The following SCUBE2 variants were observed in gnomAD, a reference collection of about 807,000 sequenced individuals.
SCUBE2 encodes signal peptide, CUB and EGF-like domain-containing protein 2.
In SCUBE2, 114 loss-of-function variants were observed where a neutral mutation model predicts 125.9. That is an observed-to-expected ratio of 0.91 (90% CI 0.78 to 1.06). The LOEUF (loss-of-function observed/expected upper bound fraction) is 1.06, where lower values mean the gene tolerates loss of function less well. Among genes scored for constraint, SCUBE2 ranks in the 50% least tolerant of loss-of-function variants. The pLI, the probability that SCUBE2 is intolerant of heterozygous loss-of-function variation, is 0.00. For synonymous variants in SCUBE2, 459 were observed against 492.9 expected (o/e 0.93, Z 0.91); for missense variants, 1,255 against 1,301.8 (o/e 0.96, Z 0.55).
intron 4 of SCUBE2, among the ~76,000 whole-genome samples, chr11:9,072,970 G>A (rs1168316197): frequency 6.6e-6 from 1 of 152,186 alleles, no homozygotes; most frequent in Middle Eastern, 3.2e-3. Context: ...AGGGATAAGA[G>A]GTGATCTTAA....
Position 9,030,054 on chromosome 11 carries a change from C to G in SCUBE2, c.2342-9G>C. 1.2e-6 allele frequency: 2 copies of G among 1,607,726 alleles called. No homozygotes were observed. The highest frequency in any genetic ancestry group is 1.7e-6 in the Non-Finnish European group (2 of 1,175,486). On this transcript the variant is annotated splice_polypyrimidine_tract_variant and intron_variant, in intron 18 of 22. Transcript: ENST00000649792. ...TCCAGGTGAACATTGAACTGTGGGT[C>G]AAGGGAGGGTGAAAAGAATGAAAAA...
intron 16 of SCUBE2, among the ~76,000 whole-genome samples, chr11:9,034,531 A>G (rs1049901776): frequency 1.2e-4 from 18 of 152,176 alleles, no homozygotes; most frequent in African/African-American, 3.9e-4. Context: ...CCTTGGCAAC[A>G]TAGTGAAAAT....
chr11:9,081,669 CAAACA>C (rs377339612), intron 2 of SCUBE2, among the ~76,000 whole-genome samples: 14 of 143,026 alleles, frequency 9.8e-5, no homozygotes, highest in South Asian at 2.3e-4. Context: ...AACAAACAAA[CAAACA>C]AAAAAAAAAA....
chr11:9,061,687 C>T (rs1859703878), intron 7 of SCUBE2, among the ~76,000 whole-genome samples: 1 of 151,796 alleles, frequency 6.6e-6, no homozygotes, highest in South Asian at 2.1e-4. Context: ...ATATGAGAAT[C>T]AATTGATTTT....
chr11:9,025,963 A>G, intron 20 of SCUBE2, 109 bp from the exon 21 acceptor site: 1 of 1,183,332 alleles, frequency 8.5e-7, no homozygotes. Flanking sequence ...GTTATGCTCA[A>G]AAGCTCTTCA....
intron 4 of SCUBE2, among the ~76,000 whole-genome samples, chr11:9,072,328 C>T (rs1177866801): frequency 2.6e-5 from 4 of 152,200 alleles, no homozygotes; most frequent in African/African-American, 9.6e-5. Context: ...CCTGCCTCAG[C>T]CTCCTGAGTA....
chr11:9,029,853 G>T (rs1590002409), intron 19 of SCUBE2, 31 bp downstream of exon 19: 1 of 1,613,492 alleles, frequency 6.2e-7, no homozygotes, highest in Non-Finnish European at 8.5e-7. Flanking sequence ...TTCTTAGCCA[G>T]AACTATGAAA....
At chr11:9,077,982 C>T (rs1175967030) in intron 3 of SCUBE2, among the ~76,000 whole-genome samples, 1 of 152,218 alleles carries the variant, frequency 6.6e-6, no homozygotes, top group East Asian at 1.9e-4. Flanking sequence ...CCCCCGCCAC[C>T]CCGGGCTGTG....
chr11:9,048,583 G>A (rs1858033628), intron 14 of SCUBE2, among the ~76,000 whole-genome samples: 1 of 152,182 alleles, frequency 6.6e-6, no homozygotes, highest in South Asian at 2.1e-4. Flanking sequence ...AGGAAAGCTG[G>A]AACACCCGTC....
Position 9,047,565 on chromosome 11 carries a change from A to T in SCUBE2, c.1796-3T>A, listed in dbSNP as rs1590056349. 6 of 1,613,886 alleles carry T rather than the reference A, an allele frequency of 3.7e-6. No homozygotes were observed. In the East Asian group the frequency reaches 1.3e-4, roughly 36 times the overall value. On this transcript the variant is annotated splice_polypyrimidine_tract_variant and splice_region_variant and intron_variant, in intron 15 of 22. Transcript: ENST00000649792. Reference sequence around the variant, plus strand: ...GATGCAGCTCAGGTCACAAGAAGCTACAGAAACAAGAGGGACAGCAGTGCG... The same window carrying T: ...GATGCAGCTCAGGTCACAAGAAGCTTCAGAAACAAGAGGGACAGCAGTGCG...
At chr11:9,031,066 A>C in intron 17 of SCUBE2, 141 bp from the exon 18 acceptor site, 1 of 700,034 alleles carries the variant, frequency 1.4e-6, no homozygotes, top group Non-Finnish European at 2.3e-6. Context: ...CACACAGTCA[A>C]TGCTGTGGTG....
intron 20 of SCUBE2, chr11:9,027,045 T>TA: frequency 2.8e-6 from 1 of 360,566 alleles, no homozygotes; most frequent in Non-Finnish European, 5.2e-6. Context: ...TGCAACTCAG[T>TA]ATGAGGCCTT....
intron 16 of SCUBE2, among the ~76,000 whole-genome samples, chr11:9,045,561 T>C (rs1326716170): frequency 6.6e-6 from 1 of 151,490 alleles, no homozygotes; most frequent in Non-Finnish European, 1.5e-5. Context: ...CTGGTCTTTA[T>C]GAAGTCCTAA....
intron 19 of SCUBE2, among the ~76,000 whole-genome samples, chr11:9,028,709 AG>A (rs931343456): frequency 4.6e-5 from 7 of 151,838 alleles, no homozygotes; most frequent in African/African-American, 1.5e-4. Context: ...AAGAGGAGGA[AG>A]GGGGAGCCAT....
In SCUBE2 at chr11:9,066,593, T is replaced by G. The variant is rs528536631; in HGVS notation, c.760+104A>C. On this transcript the variant is annotated intron_variant, in intron 6 of 22. Coordinates refer to ENST00000649792, the MANE Select transcript of SCUBE2 (RefSeq NM_001367977.2). Reference sequence around the variant, plus strand: ...GCACAGGGCCTGCTGGGGGGGCAAATGCACAGGAAACAGCCTGCATCTGTG... The same window carrying G: ...GCACAGGGCCTGCTGGGGGGGCAAAGGCACAGGAAACAGCCTGCATCTGTG... The G allele has an allele frequency of 4.6e-4, 436 of 946,330 alleles. 4 individuals carry two copies. The Middle Eastern group carries it at 6.7e-3, about 14-fold the overall frequency. 58.6% of individuals were successfully genotyped at this position (946,330 alleles called of 1,614,324 possible). A position where few individuals can be genotyped will look rare whatever the true frequency, so the allele number is the denominator to read the frequency against.
At chr11:9,043,323 TTAAA>T (rs1184984282) in intron 16 of SCUBE2, among the ~76,000 whole-genome samples, 3 of 152,222 alleles carry the variant, frequency 2.0e-5, no homozygotes, top group African/African-American at 7.2e-5. Flanking sequence ...AGTGTATTTC[TTAAA>T]TAATTTATCT....
Position 9,055,778 on chromosome 11 carries a change from G to A in SCUBE2, c.1207+15C>T. The A allele has an allele frequency of 6.2e-7, 1 of 1,604,072 alleles. No homozygotes were observed. Among genetic ancestry groups the A allele is most frequent in the South Asian group, 1.1e-5 (1 of 90,854 alleles). On this transcript the variant is annotated intron_variant, in intron 10 of 22. Coordinates refer to ENST00000649792, the MANE Select transcript of SCUBE2 (RefSeq NM_001367977.2). ...CCTCATTCCCCTCCCAACTTGACAG[G>A]GGCAGTCTGCTCACCTCCACAGTGG...
In SCUBE2 at chr11:9,091,256, G is replaced by A. The variant is rs112006375; in HGVS notation, c.133+140C>T. The A allele has an allele frequency of 6.0e-3, 3,195 of 532,288 alleles. 76 individuals are homozygous for A. Among genetic ancestry groups the A allele is most frequent in the African/African-American group, 0.056 (2,790 of 49,878 alleles). The allele number at this position is 532,288 out of a possible 1,614,324, so 33.0% of individuals were successfully genotyped here. A position where few individuals can be genotyped will look rare whatever the true frequency, so the allele number is the denominator to read the frequency against. On this transcript the variant is annotated intron_variant, in intron 1 of 22. Coordinates refer to ENST00000649792, the MANE Select transcript of SCUBE2 (RefSeq NM_001367977.2). The surrounding 1 kb of genome is among the most constrained non-coding windows in gnomAD (Gnocchi z 8.5). The stretch of plus-strand genomic sequence containing the variant: ...TGGCCCGGCCGGCGGGTGAGGTCCC[G>A]GGGGGAGCAGAGGCCCCCGCGGAGC...
rs1564822811 is a variant in SCUBE2 at position 9,054,698 on chromosome 11, A to ACAATATATATATATATATATATAT, written c.1208-940_1208-939insATATATATATATATATATATATTG. On this transcript the variant is annotated intron_variant, in intron 10 of 22. Transcript: ENST00000649792. ...AGATAACTGTCAGTAGCAAAGCACT[A>ACAATATATATATATATATATATAT]GTGTATATATATATATATATATATA... Among the ~76,000 whole-genome samples the ACAATATATATATATATATATATAT allele has an allele frequency of 2.4e-4, 15 of 61,226 alleles. 1 individual carries two copies. Among genetic ancestry groups the ACAATATATATATATATATATATAT allele is most frequent in the Non-Finnish European group, 3.5e-4 (13 of 37,016 alleles). The allele number at this position is 61,226 out of a possible 152,430, so 40.2% of individuals were successfully genotyped here. A position where few individuals can be genotyped will look rare whatever the true frequency, so the allele number is the denominator to read the frequency against.
Sources: gnomAD v4.1 joint callset for allele counts (sites outside exome capture counted in the v4.1 genomes callset) on GRCh38, gnomAD v4.1.1 for gene constraint, Gnocchi (gnomAD v3.1) non-coding constraint, MANE v1.5 for transcripts, NCBI Gene and HGNC (gene_info 2026-07-23, HGNC 2026-07-21) for gene names.